Variants in TMEM120B observed in about 807,000 individuals in gnomAD.
TMEM120B encodes the protein transmembrane protein 120B.
TMEM120B carries 31 observed loss-of-function variants against 55.5 expected under a neutral mutation model. The observed-to-expected ratio is 0.56, with a 90% CI of 0.42 to 0.75. The LOEUF (loss-of-function observed/expected upper bound fraction) is 0.75. Among genes scored for constraint, TMEM120B ranks in the 30% least tolerant of loss-of-function variants. TMEM120B has a pLI of 0.00. For missense variants in TMEM120B, 399 were observed against 425.5 expected (o/e 0.94, Z 0.55); for synonymous variants, 203 against 176.3 (o/e 1.15, Z -1.20).
chr12:121,737,046 G>A (rs570900010), intron 1 of TMEM120B, among the ~76,000 whole-genome samples: 5 of 152,116 alleles, frequency 3.3e-5, no homozygotes, highest in Admixed American at 6.6e-5. Flanking sequence ...AACTTAGGTG[G>A]AAGCCACAGG....
intron 5 of TMEM120B, among the ~76,000 whole-genome samples, chr12:121,754,440 G>T (rs916269134): frequency 2.0e-5 from 3 of 152,198 alleles, no homozygotes; most frequent in Admixed American, 2.0e-4. Flanking sequence ...ATAGACTGGG[G>T]GCTTAAAACG....
Position 121,773,478 on chromosome 12 carries a change from C to T in TMEM120B, c.737C>T (p.Ala246Val). ...AGGGGCTGCCTCTACCGGCTGCGGG[C>T]CCTGGGGGAGAGGAACCACCTGGAT... Reference protein sequence around the residue: ...YQRGCLYRLRALGERNHLDLT... With the variant: ...YQRGCLYRLRVLGERNHLDLT... The change falls in exon 9 of 12, where the codon GCC becomes GTC. Residue 246 changes from alanine to valine, a missense_variant. Coordinates refer to ENST00000449592, the MANE Select transcript of TMEM120B (RefSeq NM_001080825.2). 6.2e-7 allele frequency: 1 copy of T among 1,606,332 alleles called. No homozygotes were observed. Among genetic ancestry groups the T allele is most frequent in the East Asian group, 2.3e-5 (1 of 44,330 alleles).
At chr12:121,737,334 G>T (rs1253988330) in intron 1 of TMEM120B, among the ~76,000 whole-genome samples, 1 of 151,964 alleles carries the variant, frequency 6.6e-6, no homozygotes, top group Non-Finnish European at 1.5e-5. Context: ...ATGAAACCCT[G>T]TTTCTACTAA....
In TMEM120B at chr12:121,748,320, C is replaced by A; in HGVS notation, c.189-6C>A. The A allele has an allele frequency of 1.2e-6, 2 of 1,605,362 alleles. No homozygotes were observed. Among genetic ancestry groups the A allele is most frequent in the Non-Finnish European group, 1.7e-6 (2 of 1,173,948 alleles). On this transcript the variant is annotated splice_polypyrimidine_tract_variant and splice_region_variant and intron_variant, in intron 2 of 11. Transcript: ENST00000449592. ...CCTTCCCCTGTGCCTGCATCTCTGTCCGCAGGTGCAAACGCCATGCCAGTC... is the reference window on the plus strand; with the variant it reads ...CCTTCCCCTGTGCCTGCATCTCTGTACGCAGGTGCAAACGCCATGCCAGTC...
chr12:121,765,129 C>CTTTCTT (rs1555332581), intron 6 of TMEM120B, among the ~76,000 whole-genome samples: 1 of 133,708 alleles, frequency 7.5e-6, no homozygotes, highest in African/African-American at 2.8e-5. Context: ...TCTTTTCTTT[C>CTTTCTT]TTTTTTTTTT....
chr12:121,769,715 C>CGTGTGTGTAT (rs113353429), intron 6 of TMEM120B, among the ~76,000 whole-genome samples: 2 of 148,318 alleles, frequency 1.3e-5, no homozygotes, highest in South Asian at 2.2e-4. Flanking sequence ...AAAGAGAAAA[C>CGTGTGTGTAT]GTGTGTGTGT....
intron 4 of TMEM120B, among the ~76,000 whole-genome samples, chr12:121,750,931 CCCCACACCCCACACTA>C (rs1873287260): frequency 1.2e-5 from 1 of 80,970 alleles, no homozygotes; most frequent in Non-Finnish European, 2.5e-5. Flanking sequence ...CCACACCTCA[CCCCACACCCCACACTA>C]ACACCCCACA....
intron 3 of TMEM120B, among the ~76,000 whole-genome samples, chr12:121,748,703 G>C (rs944558292): frequency 7.2e-5 from 11 of 152,268 alleles, no homozygotes; most frequent in South Asian, 6.2e-4. Context: ...GACACCTGGG[G>C]TTAAGAGGGA....
At chr12:121,725,426 T>C (rs985677244) in intron 1 of TMEM120B, among the ~76,000 whole-genome samples, 3 of 152,166 alleles carry the variant, frequency 2.0e-5, no homozygotes, top group Non-Finnish European at 4.4e-5. Context: ...TGGCATCTTC[T>C]TTAAAAGTTA....
intron 5 of TMEM120B, among the ~76,000 whole-genome samples, chr12:121,760,799 G>A (rs1213399855): frequency 6.6e-6 from 1 of 152,092 alleles, no homozygotes; most frequent in Non-Finnish European, 1.5e-5. Context: ...CTGGTTGGAG[G>A]GGGCCCTGTT....
At chr12:121,743,828 G>A (rs1423267272) in intron 2 of TMEM120B, 81 bp downstream of exon 2, 2 of 1,040,678 alleles carry the variant, frequency 1.9e-6, no homozygotes, top group African/African-American at 3.2e-5. Flanking sequence ...GCAGAGAATG[G>A]AAATCTCAGT....
In TMEM120B at chr12:121,781,688, TG is replaced by T. The variant is rs1874464496; in HGVS notation, c.*5967del. 1 of 159,520 alleles carries T rather than the reference TG, an allele frequency of 6.3e-6. No individual in the cohort carries two copies. Among genetic ancestry groups the T allele is most frequent in the Admixed American group, 5.9e-5 (1 of 17,058 alleles). The allele number at this position is 159,520 out of a possible 1,614,324, so 9.9% of individuals were successfully genotyped here. ...CCTCCCCTCCCCAAAGATTCAGACC[TG>T]TGGGGCTGAGTGGGCTCATAGTGTC... On this transcript the variant is annotated 3_prime_UTR_variant, in exon 12 of 12. Coordinates refer to ENST00000449592, the MANE Select transcript of TMEM120B (RefSeq NM_001080825.2).
At chr12:121,752,076 G>T (rs933909470) in intron 4 of TMEM120B, 52 bp from the exon 5 acceptor site, 22 of 1,501,468 alleles carry the variant, frequency 1.5e-5, no homozygotes, top group African/African-American at 2.7e-5. Context: ...ATGCCCAGGT[G>T]CTGGAATAGT....
chr12:121,775,784 C>G lies in TMEM120B; in HGVS notation c.*62C>G. On this transcript the variant is annotated 3_prime_UTR_variant, in exon 12 of 12. Transcript: ENST00000449592. This position sits in a 1 kb window ranked among gnomAD's most constrained non-coding sequence, Gnocchi z 4.3. The stretch of plus-strand genomic sequence containing the variant: ...CTGCAGGGGGCTCCCGGGCTCCTTC[C>G]CAGCAGCCCTCTCAGGCCCGTGGCA... 6.4e-7 allele frequency: 1 copy of G among 1,567,690 alleles called. No homozygotes were observed. Among genetic ancestry groups the G allele is most frequent in the Non-Finnish European group, 8.7e-7 (1 of 1,144,954 alleles).
intron 5 of TMEM120B, among the ~76,000 whole-genome samples, chr12:121,755,969 G>C (rs985005082): frequency 1.3e-5 from 2 of 152,128 alleles, no homozygotes; most frequent in Non-Finnish European, 2.9e-5. Context: ...GCGGGTTCTG[G>C]TAGTTGGAAG....
At chr12:121,758,304 C>T (rs559149778) in intron 5 of TMEM120B, 1 of 985,502 alleles carries the variant, frequency 1.0e-6, no homozygotes, top group African/African-American at 1.7e-5. Context: ...AATCCCCACA[C>T]AGCGGTCTGC....
At chr12:121,742,624 C>G (rs1260101552) in intron 1 of TMEM120B, among the ~76,000 whole-genome samples, 1 of 152,028 alleles carries the variant, frequency 6.6e-6, no homozygotes, top group Admixed American at 6.6e-5. Flanking sequence ...TTCATACTTT[C>G]GCCCAGGCTG....
intron 5 of TMEM120B, among the ~76,000 whole-genome samples, 176 bp downstream of exon 5, chr12:121,752,399 C>G (rs887125146): frequency 6.6e-6 from 1 of 152,098 alleles, no homozygotes; most frequent in African/African-American, 2.4e-5. Flanking sequence ...TCTGCCCCAC[C>G]TCCATCCAAC....
In TMEM120B at chr12:121,779,868, C is replaced by T; in HGVS notation, c.*4146C>T. ...GTGCAGCCCGCAGGTTGGAAGAAGC[C>T]CTGTCCAGGCCCCCACCCTGGCCTC... On this transcript the variant is annotated 3_prime_UTR_variant, in exon 12 of 12. Coordinates refer to ENST00000449592, the MANE Select transcript of TMEM120B (RefSeq NM_001080825.2). 1 of 576,944 alleles carries T rather than the reference C, an allele frequency of 1.7e-6. No individual in the cohort carries two copies. The highest frequency in any genetic ancestry group is 3.1e-6 in the Non-Finnish European group (1 of 326,290). 35.7% of individuals were successfully genotyped at this position (576,944 alleles called of 1,614,324 possible). A position where few individuals can be genotyped will look rare whatever the true frequency, so the allele number is the denominator to read the frequency against.
Sources: allele counts gnomAD v4.1 joint callset (sites outside exome capture counted in the v4.1 genomes callset), GRCh38; gene constraint gnomAD v4.1.1; non-coding constraint Gnocchi (gnomAD v3.1); transcripts MANE v1.5; gene names NCBI Gene and HGNC (gene_info 2026-07-23, HGNC 2026-07-21).